POFUT3: variants seen among roughly 807,000 people sequenced by gnomAD.
POFUT3 encodes GDP-fucose protein O-fucosyltransferase 3.
At chr8:33,404,875 T>C in the POFUT3 span, among the ~76,000 whole-genome samples, 15 of 152,268 alleles carry the variant, frequency 9.9e-5, no homozygotes, top group Middle Eastern at 3.4e-3. Context: ...ACAAATAAAA[T>C]TTAAAGTTTC....
chr8:33,368,471 G>A, the POFUT3 span, among the ~76,000 whole-genome samples: 9 of 152,166 alleles, frequency 5.9e-5, no homozygotes, highest in Admixed American at 1.3e-4. Context: ...CCCATGCATT[G>A]TACTCCATAT....
chr8:33,420,905 T>C, the POFUT3 span, among the ~76,000 whole-genome samples: 2 of 151,620 alleles, frequency 1.3e-5, no homozygotes, highest in Admixed American at 6.6e-5. Flanking sequence ...ATCCCATGAA[T>C]ATGTAAAATT....
the POFUT3 span, among the ~76,000 whole-genome samples, chr8:33,358,237 AG>A: frequency 2.0e-5 from 3 of 152,188 alleles, no homozygotes; most frequent in Admixed American, 2.0e-4. Flanking sequence ...TGGGCAACAG[AG>A]CAAAACCCTG....
chr8:33,451,384 GTGTA>G, the POFUT3 span, among the ~76,000 whole-genome samples: 6 of 151,958 alleles, frequency 3.9e-5, no homozygotes, highest in South Asian at 2.1e-4. Context: ...ATGTATGTAA[GTGTA>G]TGTATGTATA....
At chr8:33,450,980 C>T in the POFUT3 span, among the ~76,000 whole-genome samples, 1 of 151,538 alleles carries the variant, frequency 6.6e-6, no homozygotes, top group African/African-American at 2.4e-5. Context: ...AATTTCCAAA[C>T]TGGTGAAACA....
the POFUT3 span, among the ~76,000 whole-genome samples, chr8:33,411,759 G>A: frequency 6.6e-6 from 1 of 152,078 alleles, no homozygotes; most frequent in African/African-American, 2.4e-5. Context: ...TTGCACCCCG[G>A]CCTGGGCAAA....
At chr8:33,346,340 C>G in the POFUT3 span, among the ~76,000 whole-genome samples, 1 of 152,166 alleles carries the variant, frequency 6.6e-6, no homozygotes, top group African/African-American at 2.4e-5. Flanking sequence ...CTCTATTAAG[C>G]ACCAATTACA....
chr8:33,443,238 TA>T, the POFUT3 span, among the ~76,000 whole-genome samples: 10 of 152,222 alleles, frequency 6.6e-5, no homozygotes, highest in Non-Finnish European at 1.5e-4. Context: ...CCTTTCTGCG[TA>T]ACTATCTCCT....
the POFUT3 span, chr8:33,453,631 C>A: frequency 2.4e-6 from 2 of 829,116 alleles, no homozygotes; most frequent in East Asian, 5.0e-5. Context: ...CAAATTACCA[C>A]AAACAGTAAT....
At chr8:33,383,243 A>G in the POFUT3 span, among the ~76,000 whole-genome samples, 1 of 152,244 alleles carries the variant, frequency 6.6e-6, no homozygotes, top group African/African-American at 2.4e-5. Context: ...CCCTAACAGA[A>G]TCACAGCACA....
the POFUT3 span, chr8:33,389,582 A>G: frequency 1.9e-6 from 3 of 1,614,194 alleles, no homozygotes; most frequent in Non-Finnish European, 2.5e-6. Flanking sequence ...CAAAGGAACT[A>G]GGTATCGGAG....
chr8:33,401,410 A>G, the POFUT3 span, among the ~76,000 whole-genome samples: 40,825 of 151,908 alleles, frequency 0.27, 5,739 homozygotes, highest in East Asian at 0.47. Flanking sequence ...AGGCATTCAT[A>G]CTACACCACT....
At chr8:33,332,742 T>C in the POFUT3 span, among the ~76,000 whole-genome samples, 1 of 152,200 alleles carries the variant, frequency 6.6e-6, no homozygotes, top group Non-Finnish European at 1.5e-5. Flanking sequence ...TAAACTCGTG[T>C]GTAATGAGGA....
At chr8:33,346,420 A>G in the POFUT3 span, among the ~76,000 whole-genome samples, 1 of 152,174 alleles carries the variant, frequency 6.6e-6, no homozygotes, top group Non-Finnish European at 1.5e-5. Context: ...GATAACATGA[A>G]AAATATACCA....
the POFUT3 span, among the ~76,000 whole-genome samples, chr8:33,369,058 TCAA>T: frequency 6.6e-6 from 1 of 152,206 alleles, no homozygotes; most frequent in African/African-American, 2.4e-5. Flanking sequence ...GGTACTATCA[TCAA>T]CGATTCCCTT....
At chr8:33,322,889 A>C in the POFUT3 span, among the ~76,000 whole-genome samples, 1 of 151,842 alleles carries the variant, frequency 6.6e-6, no homozygotes, top group South Asian at 2.1e-4. Context: ...TTTCCTTCAG[A>C]GCTCACTGTG....
chr8:33,379,978 CTCTATATATATAGTA>C, the POFUT3 span, among the ~76,000 whole-genome samples: 1 of 89,554 alleles, frequency 1.1e-5, no homozygotes, highest in African/African-American at 5.2e-5. Context: ...TATATATACA[CTCTATATATATAGTA>C]TATATATATA....
chr8:33,453,497 A>T, the POFUT3 span: 1 of 1,608,168 alleles, frequency 6.2e-7, no homozygotes, highest in South Asian at 1.1e-5. Context: ...AAACTTCCCC[A>T]GCTCAACCAT....
At chr8:33,346,673 T>C in the POFUT3 span, among the ~76,000 whole-genome samples, 3 of 152,184 alleles carry the variant, frequency 2.0e-5, no homozygotes, top group African/African-American at 7.2e-5. Flanking sequence ...CAAAGTTGTT[T>C]TGAGGCTCAA....
Sources: gnomAD v4.1 joint callset for allele counts (sites outside exome capture counted in the v4.1 genomes callset) on GRCh38, gnomAD v4.1.1 for gene constraint, MANE v1.5 for transcripts, NCBI Gene and HGNC (gene_info 2026-07-23, HGNC 2026-07-21) for gene names.